The following SLC22A23 variants were observed in gnomAD, a reference collection of about 807,000 sequenced individuals.
SLC22A23 encodes the protein solute carrier family 22 member 23.
A neutral mutation model predicts 61.0 loss-of-function variants in SLC22A23; 26 were observed. The ratio of observed to expected loss-of-function variants is 0.43; its 90% confidence interval spans 0.31 to 0.59. The LOEUF (loss-of-function observed/expected upper bound fraction) is 0.59. Among genes scored for constraint, SLC22A23 ranks in the 20% least tolerant of loss-of-function variants. SLC22A23 has a pLI of 0.11. For synonymous variants in SLC22A23, 430 were observed against 413.9 expected (o/e 1.04, Z -0.47); for missense variants, 796 against 934.7 (o/e 0.85, Z 1.94).
rs1000197511 is a variant in SLC22A23, at chr6:3,333,475, G to A, written c.914-9473C>T. 6.6e-6 allele frequency among the ~76,000 whole-genome samples: 1 copy of A among 151,132 alleles called. No homozygotes were observed. Among genetic ancestry groups the A allele is most frequent in the Non-Finnish European group, 1.5e-5 (1 of 67,772 alleles). The stretch of plus-strand genomic sequence containing the variant: ...ATCACCTGCCCCTCCCCGCCCCATC[G>A]CTCCACTTCAGCCACACTGGCCTCC... On this transcript the variant is annotated intron_variant, in intron 3 of 9. Transcript: ENST00000406686. The surrounding 1 kb of genome is among the most constrained non-coding windows in gnomAD (Gnocchi z 4.1).
intron 9 of SLC22A23, chr6:3,283,451 G>T: frequency 3.7e-6 from 1 of 269,446 alleles, no homozygotes; most frequent in East Asian, 9.9e-5. Flanking sequence ...CCGGGGGGTA[G>T]GCTCTTTCTA....
intron 4 of SLC22A23, among the ~76,000 whole-genome samples, chr6:3,321,376 G>A (rs538280227): frequency 4.0e-5 from 6 of 150,918 alleles, no homozygotes; most frequent in Non-Finnish European, 7.4e-5. Context: ...GCACACACGT[G>A]CACACACATG....
intron 3 of SLC22A23, among the ~76,000 whole-genome samples, chr6:3,361,618 G>A (rs1001570239): frequency 3.9e-5 from 6 of 152,246 alleles, no homozygotes; most frequent in Non-Finnish European, 7.3e-5. Flanking sequence ...GGGCCCATGA[G>A]TCTCTCTGCA....
chr6:3,316,773 G>C (rs900415426), intron 4 of SLC22A23, among the ~76,000 whole-genome samples: 1 of 152,148 alleles, frequency 6.6e-6, no homozygotes. Flanking sequence ...CAGTAGCTGG[G>C]ATACAGACAC....
chr6:3,299,365 T>C (rs1761411674), intron 4 of SLC22A23, among the ~76,000 whole-genome samples: 1 of 152,228 alleles, frequency 6.6e-6, no homozygotes, highest in Admixed American at 6.5e-5. Flanking sequence ...GCAGTTATTT[T>C]CAGTTTCGGA....
intron 3 of SLC22A23, among the ~76,000 whole-genome samples, chr6:3,362,170 G>A (rs888952126): frequency 1.6e-4 from 25 of 151,800 alleles, no homozygotes; most frequent in Non-Finnish European, 2.5e-4. Flanking sequence ...TTGAGAGGCC[G>A]AGGTGGGTGG....
At chr6:3,413,170 G>C (rs1769389592) in intron 2 of SLC22A23, among the ~76,000 whole-genome samples, 1 of 152,222 alleles carries the variant, frequency 6.6e-6, no homozygotes. Flanking sequence ...AACAAGCTGA[G>C]AGGGAACCCA....
intron 3 of SLC22A23, among the ~76,000 whole-genome samples, chr6:3,350,512 C>T (rs1340888433): frequency 6.6e-6 from 1 of 152,202 alleles, no homozygotes; most frequent in Non-Finnish European, 1.5e-5. Flanking sequence ...CCAGATTGTC[C>T]ATGGCTGCTG....
chr6:3,415,321 G>A (rs1769613252), intron 2 of SLC22A23, among the ~76,000 whole-genome samples: 1 of 152,126 alleles, frequency 6.6e-6, no homozygotes, highest in South Asian at 2.1e-4. Flanking sequence ...ACATGTAGAG[G>A]AGCTAATCAG....
intron 1 of SLC22A23, among the ~76,000 whole-genome samples, chr6:3,445,261 C>T (rs1771835857): frequency 6.6e-6 from 1 of 151,996 alleles, no homozygotes; most frequent in Non-Finnish European, 1.5e-5. Context: ...TGCAATGGCG[C>T]CATCTTGGCT....
intron 3 of SLC22A23, among the ~76,000 whole-genome samples, chr6:3,351,426 T>G: frequency 6.6e-6 from 1 of 151,784 alleles, no homozygotes. Context: ...AGACAAGTCT[T>G]GAGATTTTAT....
At chr6:3,420,139 C>T (rs911870462) in intron 1 of SLC22A23, among the ~76,000 whole-genome samples, 11 of 151,442 alleles carry the variant, frequency 7.3e-5, no homozygotes, top group Non-Finnish European at 1.0e-4. Context: ...TGCCATGTGA[C>T]GCTTCTGAGC....
chr6:3,345,135 C>A (rs1764349271), intron 3 of SLC22A23, among the ~76,000 whole-genome samples: 1 of 152,168 alleles, frequency 6.6e-6, no homozygotes, highest in African/African-American at 2.4e-5. Context: ...CTTAGTGTTA[C>A]TTCTACTACA....
intron 3 of SLC22A23, among the ~76,000 whole-genome samples, chr6:3,408,297 A>G (rs930136093): frequency 6.6e-5 from 10 of 152,242 alleles, no homozygotes; most frequent in African/African-American, 2.4e-4. Flanking sequence ...ACAGCTCACT[A>G]TGTAATCTAA....
chr6:3,410,295 A>T lies in SLC22A23; in HGVS notation c.806T>A (p.Ile269Asn). Residue 269 changes from isoleucine to asparagine, a missense_variant, in exon 3 of 10, where the codon ATC becomes AAC. Coordinates refer to ENST00000406686, the MANE Select transcript of SLC22A23 (RefSeq NM_015482.2). The surrounding 1 kb of genome is among the most constrained non-coding windows in gnomAD (Gnocchi z 5.0). The stretch of plus-strand genomic sequence containing the variant: ...TGACAGTGCCACAGTCAGTCCAAAG[A>T]TCAGAATGAAGATGATGGAAAACAG... ...VLLFSIIFIL[I>N]FGLTVALSVN... is the part of the protein sequence containing the mutation. 3 of 1,613,836 alleles carry T rather than the reference A, an allele frequency of 1.9e-6. No individual in the cohort carries two copies. Among genetic ancestry groups the T allele is most frequent in the East Asian group, 2.2e-5 (1 of 44,866 alleles).
At chr6:3,321,623 C>G (rs1762959003) in intron 4 of SLC22A23, among the ~76,000 whole-genome samples, 2 of 152,022 alleles carry the variant, frequency 1.3e-5, no homozygotes, top group South Asian at 4.2e-4. Context: ...TCACATGGGT[C>G]AGCCCTGCAT....
At chr6:3,358,691 G>GA (rs1392385578) in intron 3 of SLC22A23, among the ~76,000 whole-genome samples, 2 of 151,976 alleles carry the variant, frequency 1.3e-5, no homozygotes, top group African/African-American at 4.8e-5. Flanking sequence ...GCTGTACACT[G>GA]AAAAAACCTG....
At chr6:3,438,488 AG>A (rs1390230958) in intron 1 of SLC22A23, 17 of 456,468 alleles carry the variant, frequency 3.7e-5, no homozygotes, top group Non-Finnish European at 7.5e-5. Flanking sequence ...GCTTACGTTC[AG>A]CTCCGGCCTC....
At chr6:3,398,452 C>CTAT (rs1768160162) in intron 3 of SLC22A23, among the ~76,000 whole-genome samples, 1 of 141,702 alleles carries the variant, frequency 7.1e-6, no homozygotes, top group South Asian at 2.2e-4. Context: ...ATACAAAGCA[C>CTAT]TATTTTTTTT....
Sources: gnomAD v4.1 joint callset for allele counts (sites outside exome capture counted in the v4.1 genomes callset) on GRCh38, gnomAD v4.1.1 for gene constraint, Gnocchi (gnomAD v3.1) non-coding constraint, MANE v1.5 for transcripts, NCBI Gene and HGNC (gene_info 2026-07-23, HGNC 2026-07-21) for gene names.